The following YPEL1 variants were observed in gnomAD, a reference collection of about 807,000 sequenced individuals.
YPEL1 encodes the protein yippee like 1.
A neutral mutation model predicts 17.3 loss-of-function variants in YPEL1; 7 were observed. The ratio of observed to expected loss-of-function variants is 0.40; its 90% CI spans 0.23 to 0.76. YPEL1 has a LOEUF of 0.76. YPEL1 is among the 30% of genes least tolerant of loss of function. The probability of loss-of-function intolerance (pLI) is 0.35; values close to 1 mark genes in which losing one functional copy is unlikely to be tolerated. For synonymous variants in YPEL1, 59 were observed against 59.6 expected, an observed-to-expected ratio of 0.99 and a Z score of 0.05; for missense variants, 91 against 155.5, an observed-to-expected ratio of 0.59 and a Z score of 2.21.
At chr22:21,715,051 T>C (rs16997333) in intron 1 of YPEL1, among the ~76,000 whole-genome samples, 31,595 of 152,134 alleles carry the variant, frequency 0.21, 3,483 homozygotes, top group African/African-American at 0.23. Flanking sequence ...TTCAGGAAAC[T>C]ATAGTGTAAG....
intron 1 of YPEL1, chr22:21,722,964 G>A (rs922738355): frequency 6.6e-6 from 1 of 151,072 alleles, no homozygotes; most frequent in Non-Finnish European, 1.5e-5. Context: ...GATCAACATG[G>A]GAGTTTTGAC....
At position 21,708,331 on chromosome 22, in the gene YPEL1, CTT is replaced by C. The variant is rs775485136; in HGVS notation, c.117+2295_117+2296del. Among the ~76,000 whole-genome samples the C allele has an allele frequency of 8.9e-3, 907 of 102,054 alleles. 4 individuals are homozygous for C. The highest frequency in any genetic ancestry group is 0.034 in the African/African-American group (855 of 24,864). 67.0% of individuals were successfully genotyped at this position (102,054 alleles called of 152,430 possible). On this transcript the variant is annotated intron_variant, in intron 2 of 4. Transcript: ENST00000339468. ...AAATGACTTCTGAGCAGGCTTCTGC[CTT>C]TTTTTTTTTTTTTTTTTTTTGAGAC... is the stretch of plus-strand genomic sequence containing the variant.
chr22:21,729,005 T>C (rs1236713743), intron 1 of YPEL1, among the ~76,000 whole-genome samples: 1 of 152,092 alleles, frequency 6.6e-6, no homozygotes, highest in East Asian at 1.9e-4. Flanking sequence ...TAGCCGGGCA[T>C]GGTGGTGTGT....
intron 1 of YPEL1, among the ~76,000 whole-genome samples, chr22:21,722,621 G>C (rs1444911796): frequency 7.0e-6 from 1 of 143,130 alleles, no homozygotes; most frequent in Non-Finnish European, 1.6e-5. Flanking sequence ...TGTCTCGGGG[G>C]CAAAAAAAAA....
At chr22:21,713,415 A>G (rs1347479109) in intron 1 of YPEL1, among the ~76,000 whole-genome samples, 1 of 152,216 alleles carries the variant, frequency 6.6e-6, no homozygotes, top group African/African-American at 2.4e-5. Context: ...GTCTGCATAC[A>G]GTGGAATGTT....
intron 1 of YPEL1, among the ~76,000 whole-genome samples, chr22:21,732,178 G>A (rs922731434): frequency 2.6e-5 from 4 of 152,182 alleles, no homozygotes; most frequent in African/African-American, 7.2e-5. Context: ...ATTTGCTGGC[G>A]GAATCGATTT....
chr22:21,710,709 C>T lies in YPEL1; in HGVS notation c.36G>A (p.Ala12=), dbSNP rs751203740. 35 of 1,614,076 alleles carry T rather than the reference C, an allele frequency of 2.2e-5. No individual in the cohort carries two copies. Among genetic ancestry groups the T allele is most frequent in the South Asian group, 4.4e-5 (4 of 91,088 alleles). ...VKMTKSKTFQ[A]YLPNCHRTYS... is the part of the protein sequence containing the mutation. ...ACGTTCGGTGACAGTTCGGCAGATACGCTTGGAAAGTTTTGGACTTTGTCA... is the reference window on the plus strand; with the variant it reads ...ACGTTCGGTGACAGTTCGGCAGATATGCTTGGAAAGTTTTGGACTTTGTCA... The change falls in exon 2 of 5, where the codon GCG becomes GCA. Residue 12 remains alanine, a synonymous_variant. Coordinates refer to ENST00000339468, the MANE Select transcript of YPEL1 (RefSeq NM_013313.5).
chr22:21,713,004 T>C (rs1328580890), intron 1 of YPEL1, among the ~76,000 whole-genome samples: 1 of 151,906 alleles, frequency 6.6e-6, no homozygotes, highest in East Asian at 1.9e-4. Context: ...CACAAGCACG[T>C]GAAAAGGTGC....
chr22:21,710,096 G>A (rs1312365357), intron 2 of YPEL1, among the ~76,000 whole-genome samples: 2 of 152,090 alleles, frequency 1.3e-5, no homozygotes, highest in Non-Finnish European at 2.9e-5. Flanking sequence ...ACAGTAAGGA[G>A]GGGCCAGGGG....
At position 21,732,548 on chromosome 22, in the gene YPEL1, G is replaced by A. The variant is rs191467370; in HGVS notation, c.-165+3067C>T. Among the ~76,000 whole-genome samples the A allele has an allele frequency of 4.9e-3, 739 of 152,236 alleles. 2 individuals carry two copies. The highest frequency in any genetic ancestry group is 0.017 in the Middle Eastern group (5 of 294). On this transcript the variant is annotated intron_variant, in intron 1 of 4. Coordinates refer to ENST00000339468, the MANE Select transcript of YPEL1 (RefSeq NM_013313.5). Reference sequence around the variant, plus strand: ...TGTAATCCCAGCACTTTGGGAGGCCGAGGCAGGCGGATCACTTGAGGTCAG... The same window carrying A: ...TGTAATCCCAGCACTTTGGGAGGCCAAGGCAGGCGGATCACTTGAGGTCAG...
Position 21,703,530 on chromosome 22 carries a change from G to T in YPEL1, c.162-52C>A. The T allele has an allele frequency of 6.5e-7, 1 of 1,527,662 alleles. No individual in the cohort carries two copies. Among genetic ancestry groups the T allele is most frequent in the Non-Finnish European group, 9.0e-7 (1 of 1,114,998 alleles). 94.6% of individuals were successfully genotyped at this position (1,527,662 alleles called of 1,614,324 possible). On this transcript the variant is annotated intron_variant, in intron 3 of 4. Transcript: ENST00000339468. The surrounding 1 kb of genome is among the most constrained non-coding windows in gnomAD (Gnocchi z 6.1). ...TGCAGGCCCGGCCCGCCCCTGACCA[G>T]GCCCTGCCCCCTCAGCGGGCCCCAC...
chr22:21,707,873 AACAGATGAGC>A (rs1434175179), intron 2 of YPEL1, among the ~76,000 whole-genome samples: 1 of 152,212 alleles, frequency 6.6e-6, no homozygotes, highest in East Asian at 1.9e-4. Context: ...TTACTCTGTA[AACAGATGAGC>A]ACAGCTGTGA....
In YPEL1 at chr22:21,731,914, C is replaced by T. The variant is rs143928269; in HGVS notation, c.-165+3701G>A. Among the ~76,000 whole-genome samples, 647 of 152,298 alleles carry T rather than the reference C, an allele frequency of 4.2e-3. 1 individual carries two copies. Among genetic ancestry groups the T allele is most frequent in the Non-Finnish European group, 6.6e-3 (449 of 68,028 alleles). On this transcript the variant is annotated intron_variant, in intron 1 of 4. Transcript: ENST00000339468. The stretch of plus-strand genomic sequence containing the variant: ...GTTTAGGTGTCTGACCAGGGCCTTA[C>T]GGCAGGAGCATGTGTCACTGTTACA...
At chr22:21,701,537 C>G (rs2068066740) in intron 4 of YPEL1, among the ~76,000 whole-genome samples, 1 of 152,220 alleles carries the variant, frequency 6.6e-6, no homozygotes, top group East Asian at 1.9e-4. Flanking sequence ...ATGGTCTGGT[C>G]ATAGCTCACT....
At chr22:21,709,756 G>A (rs929742741) in intron 2 of YPEL1, among the ~76,000 whole-genome samples, 8 of 151,386 alleles carry the variant, frequency 5.3e-5, no homozygotes, top group African/African-American at 1.9e-4. Context: ...GATGGGGGGA[G>A]GTCATGGCCT....
In YPEL1 at chr22:21,698,182, C is replaced by T. The variant is rs1299236684; in HGVS notation, c.*2947G>A. 6.9e-6 allele frequency: 1 copy of T among 145,102 alleles called. No individual in the cohort carries two copies. The highest frequency in any genetic ancestry group is 2.6e-5 in the African/African-American group (1 of 38,816). The allele number at this position is 145,102 out of a possible 1,614,324, so 9.0% of individuals were successfully genotyped here. ...CCCTGAAGCCAGCTCATGGTCTGTT[C>T]ATTTGGTTTAAAAATGAGCTTGTAT... On this transcript the variant is annotated 3_prime_UTR_variant, in exon 5 of 5. Coordinates refer to ENST00000339468, the MANE Select transcript of YPEL1 (RefSeq NM_013313.5).
chr22:21,711,617 A>G (rs1181293404), intron 1 of YPEL1, among the ~76,000 whole-genome samples: 1 of 152,200 alleles, frequency 6.6e-6, no homozygotes, highest in Non-Finnish European at 1.5e-5. Flanking sequence ...AGACCATTCA[A>G]TGGGGAAAGG....
intron 1 of YPEL1, among the ~76,000 whole-genome samples, chr22:21,724,693 A>G (rs1601640618): frequency 7.3e-6 from 1 of 137,846 alleles, no homozygotes; most frequent in Non-Finnish European, 1.6e-5. Flanking sequence ...TGATTCTTGT[A>G]CCTCAGCCTC....
In YPEL1 at chr22:21,703,101, C is replaced by T. The variant is rs2068081495; in HGVS notation, c.270+269G>A. On this transcript the variant is annotated intron_variant, in intron 4 of 4. Transcript: ENST00000339468. The surrounding 1 kb of genome is among the most constrained non-coding windows in gnomAD (Gnocchi z 6.1). ...CAGCGGGCCGAGGGCGGGCTGGGTG[C>T]AGAGAGCCTGGCTTAGGAAGAAACA... is the stretch of plus-strand genomic sequence containing the variant. Among the ~76,000 whole-genome samples the T allele has an allele frequency of 6.6e-6, 1 of 152,132 alleles. No homozygotes were observed. Among genetic ancestry groups the T allele is most frequent in the African/African-American group, 2.4e-5 (1 of 41,430 alleles).
Sources: allele counts gnomAD v4.1 joint callset (sites outside exome capture counted in the v4.1 genomes callset), GRCh38; gene constraint gnomAD v4.1.1; non-coding constraint Gnocchi (gnomAD v3.1); transcripts MANE v1.5; gene names NCBI Gene and HGNC (gene_info 2026-07-23, HGNC 2026-07-21).